The following NCKAP1 variants were observed in gnomAD, a reference collection of about 807,000 sequenced individuals.
The protein encoded by NCKAP1 is nck-associated protein 1.
A neutral mutation model predicts 151.2 loss-of-function variants in NCKAP1; 21 were observed. The ratio of observed to expected loss-of-function variants is 0.14; its 90% CI spans 0.10 to 0.20. NCKAP1 has a LOEUF of 0.20. Among genes scored for constraint, NCKAP1 ranks in the 10% least tolerant of loss-of-function variants. The pLI is 1.00. For missense variants in NCKAP1, 933 were observed against 1,352.1 expected, an observed-to-expected ratio of 0.69 and a Z score of 4.86; for synonymous variants, 484 against 451.8, an observed-to-expected ratio of 1.07 and a Z score of -0.90.
chr2:183,026,487 TAAAAAAAA>T (rs58384257), intron 1 of NCKAP1, among the ~76,000 whole-genome samples: 2 of 92,946 alleles, frequency 2.2e-5, no homozygotes, highest in Non-Finnish European at 4.8e-5. Context: ...AACTAAAAAC[TAAAAAAAA>T]AAAAAAAAAA....
At chr2:183,007,827 T>C (rs887296346) in intron 2 of NCKAP1, among the ~76,000 whole-genome samples, 1 of 152,242 alleles carries the variant, frequency 6.6e-6, no homozygotes, top group Non-Finnish European at 1.5e-5. Context: ...TCAACTCTCA[T>C]GTGGACTCCT....
At chr2:182,941,844 G>A (rs1392855739) in intron 24 of NCKAP1, among the ~76,000 whole-genome samples, 2 of 152,036 alleles carry the variant, frequency 1.3e-5, no homozygotes, top group Admixed American at 6.5e-5. Context: ...ATGAACTAGC[G>A]ACACATAGTA....
At position 182,910,957 on chromosome 2, in the gene NCKAP1, C is replaced by CCCG. The variant is rs1273526097; in HGVS notation, c.*14744_*14745insCGG. 2.7e-5 allele frequency: 4 copies of CCCG among 148,610 alleles called. No individual in the cohort carries two copies. The South Asian group carries it at 6.8e-4, about 25-fold the overall frequency. 9.2% of individuals were successfully genotyped at this position (148,610 alleles called of 1,614,324 possible). A position where few individuals can be genotyped will look rare whatever the true frequency, so the allele number is the denominator to read the frequency against. ...AAAAATAAAATCCTAAGCTCCCCCC[C>CCCG]CACATTTGACTAAACAGACCCTCTC... On this transcript the variant is annotated 3_prime_UTR_variant, in exon 31 of 31. Coordinates refer to ENST00000361354, the MANE Select transcript of NCKAP1 (RefSeq NM_013436.5).
chr2:183,011,136 C>A (rs920414541), intron 2 of NCKAP1, among the ~76,000 whole-genome samples: 6 of 152,118 alleles, frequency 3.9e-5, no homozygotes, highest in African/African-American at 1.4e-4. Context: ...ATGAGAGTTC[C>A]TTTTAACGTA....
intron 18 of NCKAP1, among the ~76,000 whole-genome samples, chr2:182,960,202 G>A (rs559295707): frequency 4.1e-3 from 620 of 152,218 alleles, no homozygotes; most frequent in Non-Finnish European, 6.5e-3. Context: ...AGCTACCAAT[G>A]ACTTTCTTCA....
At chr2:182,969,840 A>G (rs1282855944) in intron 15 of NCKAP1, among the ~76,000 whole-genome samples, 1 of 152,090 alleles carries the variant, frequency 6.6e-6, no homozygotes, top group African/African-American at 2.4e-5. Flanking sequence ...CAAAAGATCA[A>G]CAAAATAAAA....
chr2:182,928,927 C>A, intron 27 of NCKAP1, 28 bp from the exon 28 acceptor site: 1 of 1,389,790 alleles, frequency 7.2e-7, no homozygotes, highest in Non-Finnish European at 1.0e-6. Context: ...AGAATAAAAT[C>A]AAGGTATTTC....
At chr2:183,016,815 G>A (rs569342313) in intron 2 of NCKAP1, among the ~76,000 whole-genome samples, 7 of 152,228 alleles carry the variant, frequency 4.6e-5, no homozygotes, top group Admixed American at 1.3e-4. Context: ...AAGGGAGGGC[G>A]AAAGTAGGAG....
intron 1 of NCKAP1, among the ~76,000 whole-genome samples, chr2:183,027,980 A>G (rs566980211): frequency 1.3e-5 from 2 of 152,314 alleles, no homozygotes; most frequent in South Asian, 4.1e-4. Flanking sequence ...AAAACTAAAT[A>G]CACAATTAAA....
intron 17 of NCKAP1, 136 bp from the exon 18 acceptor site, chr2:182,962,414 C>CT (rs1398658666): frequency 4.0e-6 from 3 of 753,572 alleles, no homozygotes; most frequent in Non-Finnish European, 5.9e-6. Flanking sequence ...TTAAAAATTG[C>CT]TTTTGCCTCT....
At chr2:183,027,886 A>G (rs1698928323) in intron 1 of NCKAP1, among the ~76,000 whole-genome samples, 1 of 152,192 alleles carries the variant, frequency 6.6e-6, no homozygotes, top group Admixed American at 6.5e-5. Context: ...ACTTGAAATC[A>G]TATATCTTTC....
At position 182,929,039 on chromosome 2, in the gene NCKAP1, T is replaced by C. The variant is rs991573885; in HGVS notation, c.2954-140A>G. The C allele has an allele frequency of 4.9e-5, 28 of 573,520 alleles. No individual in the cohort carries two copies. In the African/African-American group the frequency reaches 5.0e-4, roughly 10 times the overall value. The allele number at this position is 573,520 out of a possible 1,614,324, so 35.5% of individuals were successfully genotyped here. A position where few individuals can be genotyped will look rare whatever the true frequency, so the allele number is the denominator to read the frequency against. Reference sequence around the variant, plus strand: ...ATAGTAAACTATTTTACTAGCATTCTATAGAATTGGTCACAATTTTGTTAT... The same window carrying C: ...ATAGTAAACTATTTTACTAGCATTCCATAGAATTGGTCACAATTTTGTTAT... On this transcript the variant is annotated intron_variant, in intron 27 of 30. Transcript: ENST00000361354.
chr2:183,028,957 C>CG (rs1698952747), intron 1 of NCKAP1, among the ~76,000 whole-genome samples: 1 of 144,326 alleles, frequency 6.9e-6, no homozygotes, highest in Non-Finnish European at 1.5e-5. Flanking sequence ...ACTAAAAATA[C>CG]AAAAAAAAAA....
rs1559062920 is a variant in NCKAP1, at chr2:182,909,639, T to G, written c.*16063A>C. 1 of 152,244 alleles carries G rather than the reference T, an allele frequency of 6.6e-6. No individual in the cohort carries two copies. Among genetic ancestry groups the G allele is most frequent in the Admixed American group, 6.5e-5 (1 of 15,288 alleles). 9.4% of individuals were successfully genotyped at this position (152,244 alleles called of 1,614,324 possible). ...GGATTTACTGCCTTTTCTTGTATGT[T>G]GTTGTTTTATTTGTTTAAGTAAACA... On this transcript the variant is annotated 3_prime_UTR_variant, in exon 31 of 31. Coordinates refer to ENST00000361354, the MANE Select transcript of NCKAP1 (RefSeq NM_013436.5).
intron 27 of NCKAP1, 115 bp from the exon 28 acceptor site, chr2:182,929,014 ATAG>A (rs1187958361): frequency 7.8e-6 from 5 of 644,488 alleles, no homozygotes; most frequent in East Asian, 5.7e-5. Flanking sequence ...TTTTTTTGAA[ATAG>A]TAAACTATTT....
intron 10 of NCKAP1, 111 bp from the exon 11 acceptor site, chr2:182,983,493 A>G: frequency 1.5e-6 from 1 of 654,434 alleles, no homozygotes; most frequent in East Asian, 2.8e-5. Context: ...TTAGGAAGCC[A>G]AAGTTCCTAT....
chr2:182,929,011 G>A, intron 27 of NCKAP1, 112 bp from the exon 28 acceptor site: 2 of 653,130 alleles, frequency 3.1e-6, no homozygotes, highest in Middle Eastern at 3.7e-4. Context: ...TTTTTTTTTT[G>A]AAATAGTAAA....
At chr2:182,981,210 G>A (rs374834823) in intron 13 of NCKAP1, 34 bp downstream of exon 13, 2 of 1,598,556 alleles carry the variant, frequency 1.3e-6, no homozygotes, top group Non-Finnish European at 1.7e-6. Context: ...GGGAAGGAAG[G>A]AACAAAAGGG....
chr2:183,034,740 T>C (rs1699070577), intron 1 of NCKAP1, among the ~76,000 whole-genome samples: 1 of 152,134 alleles, frequency 6.6e-6, no homozygotes, highest in African/African-American at 2.4e-5. Context: ...TTATGCTCCC[T>C]ACATTACAGA....
Sources: allele counts gnomAD v4.1 joint callset (sites outside exome capture counted in the v4.1 genomes callset), GRCh38; gene constraint gnomAD v4.1.1; transcripts MANE v1.5; gene names NCBI Gene and HGNC (gene_info 2026-07-23, HGNC 2026-07-21).